TIMP3: variants seen among roughly 807,000 people sequenced by gnomAD.
The protein encoded by TIMP3 is TIMP metallopeptidase inhibitor 3.
A neutral mutation model predicts 30.0 loss-of-function variants in TIMP3; 11 were observed. The observed-to-expected ratio is 0.37, with a 90% CI of 0.23 to 0.61. The LOEUF is 0.61. Among genes scored for constraint, TIMP3 ranks in the 20% least tolerant of loss-of-function variants. TIMP3 has a pLI of 0.70. For missense variants in TIMP3, 181 were observed against 276.8 expected (o/e 0.65, Z 2.45); for synonymous variants, 112 against 111.3 (o/e 1.01, Z -0.04).
chr22:32,859,559 C>A lies in TIMP3; in HGVS notation c.*182C>A. 1 of 739,406 alleles carries A rather than the reference C, an allele frequency of 1.4e-6. No individual in the cohort carries two copies. The highest frequency in any genetic ancestry group is 2.0e-5 in the South Asian group (1 of 48,978). 45.8% of individuals were successfully genotyped at this position (739,406 alleles called of 1,614,324 possible). A position where few individuals can be genotyped will look rare whatever the true frequency, so the allele number is the denominator to read the frequency against. On this transcript the variant is annotated 3_prime_UTR_variant, in exon 5 of 5. Transcript: ENST00000266085. ...TTATTGGGAACTATCCTCCTGGCCC[C>A]ACCCTGCCCCTTCTTTTTGGTTTTG...
At chr22:32,825,832 A>G (rs572865339) in intron 1 of TIMP3, among the ~76,000 whole-genome samples, 28 of 152,214 alleles carry the variant, frequency 1.8e-4, no homozygotes, top group African/African-American at 6.5e-4. Context: ...TTCTGTATCT[A>G]TGCAATTGAA....
chr22:32,824,692 G>A (rs2047350358), intron 1 of TIMP3, among the ~76,000 whole-genome samples: 1 of 152,184 alleles, frequency 6.6e-6, no homozygotes, highest in African/African-American at 2.4e-5. Context: ...GGGTTGTTAT[G>A]ATGACTCCCT....
chr22:32,850,742 A>C (rs2048195186), intron 2 of TIMP3, among the ~76,000 whole-genome samples: 1 of 152,174 alleles, frequency 6.6e-6, no homozygotes, highest in Admixed American at 6.5e-5. Flanking sequence ...AGGACCTGGC[A>C]TGCAAAAGTG....
intron 1 of TIMP3, among the ~76,000 whole-genome samples, chr22:32,807,309 T>C (rs1022170011): frequency 1.7e-5 from 2 of 119,210 alleles, no homozygotes; most frequent in Non-Finnish European, 3.3e-5. Context: ...TATATATAAA[T>C]ATATAATATA....
chr22:32,807,429 A>C (rs2046795021), intron 1 of TIMP3, among the ~76,000 whole-genome samples: 1 of 130,444 alleles, frequency 7.7e-6, no homozygotes. Context: ...TATATTATAT[A>C]TATAATATAT....
chr22:32,842,405 A>G (rs988437042), intron 1 of TIMP3, among the ~76,000 whole-genome samples: 1 of 152,090 alleles, frequency 6.6e-6, no homozygotes, highest in East Asian at 1.9e-4. Context: ...GACATCATCA[A>G]AGCATCCCCA....
At chr22:32,802,219 C>T (rs2046607774) in intron 1 of TIMP3, 97 bp downstream of exon 1, 1 of 1,482,788 alleles carries the variant, frequency 6.7e-7, no homozygotes, top group African/African-American at 1.4e-5. Flanking sequence ...TTCCTCTGCC[C>T]CAGGAGAGGG....
At chr22:32,814,106 TCGTGTG>T (rs1284520993) in intron 1 of TIMP3, among the ~76,000 whole-genome samples, 6 of 23,098 alleles carry the variant, frequency 2.6e-4, no homozygotes, top group Admixed American at 2.1e-3. Flanking sequence ...CAGGCAATAC[TCGTGTG>T]TGTGTGTGTG....
intron 1 of TIMP3, among the ~76,000 whole-genome samples, chr22:32,824,054 G>A (rs140949395): frequency 6.8e-4 from 104 of 152,104 alleles, no homozygotes; most frequent in African/African-American, 2.4e-3. Flanking sequence ...CAAGGGTGGC[G>A]GATCATGAGG....
intron 1 of TIMP3, among the ~76,000 whole-genome samples, chr22:32,824,818 A>G (rs1601461028): frequency 6.6e-6 from 1 of 152,032 alleles, no homozygotes; most frequent in East Asian, 1.9e-4. Context: ...GTTTGCATTC[A>G]CTCTCTGACC....
At chr22:32,830,560 T>A (rs974355652) in intron 1 of TIMP3, among the ~76,000 whole-genome samples, 1 of 152,130 alleles carries the variant, frequency 6.6e-6, no homozygotes, top group African/African-American at 2.4e-5. Flanking sequence ...TGACCTTTCT[T>A]ATTGTGTCCC....
intron 2 of TIMP3, 141 bp downstream of exon 2, chr22:32,849,675 G>A: frequency 1.3e-6 from 1 of 787,032 alleles, no homozygotes; most frequent in Non-Finnish European, 2.2e-6. Flanking sequence ...CTGCTGGAGA[G>A]GGAGCTGCTA....
intron 1 of TIMP3, among the ~76,000 whole-genome samples, chr22:32,822,653 G>A (rs776995323): frequency 1.3e-5 from 2 of 152,120 alleles, no homozygotes; most frequent in African/African-American, 2.4e-5. Context: ...ATTATGGTGC[G>A]TTCATACAGT....
chr22:32,834,493 G>A (rs2047673677), intron 1 of TIMP3, among the ~76,000 whole-genome samples: 1 of 152,052 alleles, frequency 6.6e-6, no homozygotes, highest in Non-Finnish European at 1.5e-5. Context: ...GCCTCCCATG[G>A]GCAGGCAGAG....
chr22:32,815,301 G>A (rs117004633), intron 1 of TIMP3, among the ~76,000 whole-genome samples: 2,014 of 152,274 alleles, frequency 0.013, 19 homozygotes, highest in Admixed American at 0.018. Context: ...ACCCATGTGC[G>A]GTGACACTGG....
At chr22:32,807,348 AATATATAATATATAATATATATT>A (rs2046774767) in intron 1 of TIMP3, among the ~76,000 whole-genome samples, 1 of 33,424 alleles carries the variant, frequency 3.0e-5, no homozygotes, top group Admixed American at 5.2e-4. Flanking sequence ...ATAATATATA[AATATATAATATATAATATATATT>A]ATATATAATA....
chr22:32,806,962 A>T (rs1176710956), intron 1 of TIMP3, among the ~76,000 whole-genome samples: 2 of 152,050 alleles, frequency 1.3e-5, no homozygotes, highest in East Asian at 3.9e-4. Context: ...AGAACATTAA[A>T]CATCATGGAA....
chr22:32,850,565 G>A (rs146279576), intron 2 of TIMP3, among the ~76,000 whole-genome samples: 8 of 152,270 alleles, frequency 5.3e-5, no homozygotes, highest in South Asian at 2.1e-4. Context: ...CAGGGAGGCC[G>A]TGAGGGAGAT....
chr22:32,829,538 G>A (rs1262353798), intron 1 of TIMP3, among the ~76,000 whole-genome samples: 2 of 152,240 alleles, frequency 1.3e-5, no homozygotes, highest in Admixed American at 1.3e-4. Flanking sequence ...CACCGCAGCA[G>A]GGCTGCCCGC....
Sources: allele counts gnomAD v4.1 joint callset (sites outside exome capture counted in the v4.1 genomes callset), GRCh38; gene constraint gnomAD v4.1.1; transcripts MANE v1.5; gene names NCBI Gene and HGNC (gene_info 2026-07-23, HGNC 2026-07-21).